The following DOK2 variants were observed in gnomAD, a reference collection of about 807,000 sequenced individuals.
The protein encoded by DOK2 is docking protein 2, 56kD.
In DOK2, 28 loss-of-function variants were observed where a neutral mutation model predicts 26.0. The ratio of observed to expected loss-of-function variants is 1.08; its 90% CI spans 0.80 to 1.48. DOK2 has a LOEUF of 1.48. Ranked by LOEUF, DOK2 falls within the 40% of genes most tolerant of loss-of-function variation. The pLI, the probability that DOK2 is intolerant of heterozygous loss-of-function variation, is 0.00. For missense variants in DOK2, 682 were observed against 558.2 expected (o/e 1.22, Z -2.23); for synonymous variants, 282 against 236.9 (o/e 1.19, Z -1.75).
Position 21,909,243 on chromosome 8 carries a change from G to A in DOK2, c.*68C>T, listed in dbSNP as rs1267693014. The A allele has an allele frequency of 2.0e-5, 30 of 1,500,488 alleles. 1 individual carries two copies. The highest frequency in any genetic ancestry group is 2.7e-5 in the Non-Finnish European group (30 of 1,122,562). 92.9% of individuals were successfully genotyped at this position (1,500,488 alleles called of 1,614,324 possible). A position where few individuals can be genotyped will look rare whatever the true frequency, so the allele number is the denominator to read the frequency against. ...CAGAAGGGGCAGAGGAGGTTCTTCT[G>A]ATGCAGTGGCCAGGAGGAGTCACCA... On this transcript the variant is annotated 3_prime_UTR_variant, in exon 5 of 5. Coordinates refer to ENST00000276420, the MANE Select transcript of DOK2 (RefSeq NM_003974.4).
chr8:21,911,586 C>T (rs1468799840), intron 3 of DOK2, among the ~76,000 whole-genome samples: 2 of 152,106 alleles, frequency 1.3e-5, no homozygotes, highest in African/African-American at 2.4e-5. Flanking sequence ...CCAGCCTGAG[C>T]GACAAGAGCA....
Position 21,912,226 on chromosome 8 carries a change from C to G in DOK2, c.345+3G>C. 6.4e-7 allele frequency: 1 copy of G among 1,556,074 alleles called. No individual in the cohort carries two copies. On this transcript the variant is annotated splice_donor_region_variant and intron_variant, in intron 2 of 4. Transcript: ENST00000276420. ...TGCCCTTTCCGCACCCCGCGCGACT[C>G]ACGGGGAAGGCCAGGAGGCAGATGG...
At position 21,910,862 on chromosome 8, in the gene DOK2, G is replaced by C. The variant is rs1358706345; in HGVS notation, c.434-5C>G. 6.3e-7 allele frequency: 1 copy of C among 1,597,454 alleles called. No homozygotes were observed. On this transcript the variant is annotated splice_polypyrimidine_tract_variant and splice_region_variant and intron_variant, in intron 3 of 4. Transcript: ENST00000276420. ...CAAATTCCTTGTGGGGGCCGACTGG[G>C]GAGAAGAAGAGAGAGAAGGCGAAGG...
Position 21,910,798 on chromosome 8 carries a change from G to A in DOK2, c.493C>T (p.His165Tyr). Residue 165 changes from histidine (H) to tyrosine (Y), a missense_variant, in exon 4 of 5, where the codon CAC becomes TAC. Physicochemically the swap from His to Tyr is moderately conservative, Grantham distance 83. Coordinates refer to ENST00000276420, the MANE Select transcript of DOK2 (RefSeq NM_003974.4). ...CGGAGGGTATAGGACCCCCGCAGGT[G>A]GCACCTCTCACTGGCTTCTGTAGGT... ...MRPTEASERC[H>Y]LRGSYTLRAG... 2.5e-6 allele frequency: 4 copies of A among 1,613,820 alleles called. No homozygotes were observed. The highest frequency in any genetic ancestry group is 3.4e-6 in the Non-Finnish European group (4 of 1,179,936).
At position 21,909,302 on chromosome 8, in the gene DOK2, C is replaced by A; in HGVS notation, c.*9G>T. ...CAAGGGGCGGTGGACCATCCCTCTGCTGCCTCTGTCACTTTGGGCCTTTCT... is the reference window on the plus strand; with the variant it reads ...CAAGGGGCGGTGGACCATCCCTCTGATGCCTCTGTCACTTTGGGCCTTTCT... On this transcript the variant is annotated 3_prime_UTR_variant, in exon 5 of 5. Coordinates refer to ENST00000276420, the MANE Select transcript of DOK2 (RefSeq NM_003974.4). 6.6e-7 allele frequency: 1 copy of A among 1,523,456 alleles called. No individual in the cohort carries two copies. Among genetic ancestry groups the A allele is most frequent in the Non-Finnish European group, 8.8e-7 (1 of 1,135,774 alleles). The allele number at this position is 1,523,456 out of a possible 1,614,324, so 94.4% of individuals were successfully genotyped here.
intron 3 of DOK2, 43 bp downstream of exon 3, chr8:21,911,854 CTGGG>C (rs1158287514): frequency 5.2e-6 from 8 of 1,534,658 alleles, no homozygotes; most frequent in Non-Finnish European, 7.0e-6. Context: ...CCACCTCACC[CTGGG>C]GAGAGCCCCC....
Position 21,909,944 on chromosome 8 carries a change from G to A in DOK2, c.619-13C>T, listed in dbSNP as rs958349582. 1 of 1,600,508 alleles carries A rather than the reference G, an allele frequency of 6.2e-7. No homozygotes were observed. The highest frequency in any genetic ancestry group is 8.5e-7 in the Non-Finnish European group (1 of 1,175,566). On this transcript the variant is annotated splice_polypyrimidine_tract_variant and intron_variant, in intron 4 of 4. Coordinates refer to ENST00000276420, the MANE Select transcript of DOK2 (RefSeq NM_003974.4). ...AGGAAAAGGTTACCTGGACCAGGGA[G>A]AAAGCAGGTTATTGGCCAGGCCACA...
At chr8:21,910,632 A>G (rs931919114) in intron 4 of DOK2, 41 bp downstream of exon 4, 2 of 1,610,128 alleles carry the variant, frequency 1.2e-6, no homozygotes, top group Non-Finnish European at 1.7e-6. Context: ...TTCGTAGCTT[A>G]TCCTTTCTCT....
At chr8:21,912,657 C>T in intron 1 of DOK2, 147 bp from the exon 2 acceptor site, 1 of 756,642 alleles carries the variant, frequency 1.3e-6, no homozygotes, top group East Asian at 2.8e-5. Flanking sequence ...CACATGAGAC[C>T]CAGGGAGGCA....
Position 21,909,520 on chromosome 8 carries a change from T to C in DOK2, c.1030A>G (p.Ile344Val). 1.2e-6 allele frequency: 2 copies of C among 1,614,134 alleles called. No individual in the cohort carries two copies. The highest frequency in any genetic ancestry group is 8.5e-7 in the Non-Finnish European group (1 of 1,180,016). ...EETLPPRPDH[I>V]YDEPEGVAAL... is the part of the protein sequence containing the mutation. ...GCCACTCCCTCGGGCTCATCGTATA[T>C]GTGGTCAGGTCGAGGGGGCAGGGTC... Residue 344 changes from isoleucine (I) to valine (V), a missense_variant, in exon 5 of 5, where the codon ATA becomes GTA. Ile to Val is a conservative substitution (Grantham distance 29). Transcript: ENST00000276420.
rs141129446 is a variant in DOK2, at chr8:21,912,337, C to T, written c.237G>A (p.Arg79=). The change falls in exon 2 of 5, where the codon CGG becomes CGA. Residue 79 remains arginine, a synonymous_variant. Coordinates refer to ENST00000276420, the MANE Select transcript of DOK2 (RefSeq NM_003974.4). ...TCTCCAGGAAGAAGGCACTGGTGTCCCGGGGGCTGCTGGCCTCTCCGCCGG... is the reference window on the plus strand; with the variant it reads ...TCTCCAGGAAGAAGGCACTGGTGTCTCGGGGGCTGCTGGCCTCTCCGCCGG... ...AEAGGEASSP[R]DTSAFFLETK... The T allele has an allele frequency of 2.0e-4, 320 of 1,607,680 alleles. No individual in the cohort carries two copies. The highest frequency in any genetic ancestry group is 3.3e-4 in the Admixed American group (20 of 59,784).
Position 21,912,338 on chromosome 8 carries a change from C to G in DOK2, c.236G>C (p.Arg79Pro), listed in dbSNP as rs1554508068. The G allele has an allele frequency of 2.5e-6, 4 of 1,607,510 alleles. No individual in the cohort carries two copies. The South Asian group carries it at 4.4e-5, about 18-fold the overall frequency. ...AEAGGEASSP[R>P]DTSAFFLETK... ...CTCCAGGAAGAAGGCACTGGTGTCC[C>G]GGGGGCTGCTGGCCTCTCCGCCGGC... The change falls in exon 2 of 5, where the codon CGG (arginine) becomes CCG (proline). Residue 79 changes from arginine to proline, a missense_variant. By Grantham distance (103) the Arg-to-Pro change is moderately radical. Transcript: ENST00000276420.
rs1219362244 is a variant in DOK2 at position 21,912,446 on chromosome 8, A to G, written c.128T>C (p.Leu43Pro). The G allele has an allele frequency of 1.3e-6, 2 of 1,568,486 alleles. No homozygotes were observed. The highest frequency in any genetic ancestry group is 1.4e-5 in the African/African-American group (1 of 73,884). Residue 43 changes from leucine to proline, a missense_variant, in exon 2 of 5, where the codon CTG (leucine) becomes CCG (proline). By Grantham distance (98) the Leu-to-Pro change is moderately conservative. Coordinates refer to ENST00000276420, the MANE Select transcript of DOK2 (RefSeq NM_003974.4). ...ACGAGGCTTCTCCGGGCCCTCCTGCAGCTCCAGCCGGGCCAAGGCGCAGTC... is the reference window on the plus strand; with the variant it reads ...ACGAGGCTTCTCCGGGCCCTCCTGCGGCTCCAGCCGGGCCAAGGCGCAGTC... ...GSDCALARLELQEGPEKPRRC... is the reference protein window; with the variant it reads ...GSDCALARLEPQEGPEKPRRC...
At position 21,912,427 on chromosome 8, in the gene DOK2, C is replaced by T. The variant is rs764063442; in HGVS notation, c.147G>A (p.Lys49=). 12 of 1,577,992 alleles carry T rather than the reference C, an allele frequency of 7.6e-6. No homozygotes were observed. Among genetic ancestry groups the T allele is most frequent in the South Asian group, 2.3e-5 (2 of 86,822 alleles). ...ARLELQEGPE[K]PRRCEAARKV... is the part of the protein sequence containing the mutation. ...TCCGGGCAGCCTCACACCGACGAGGCTTCTCCGGGCCCTCCTGCAGCTCCA... is the reference window on the plus strand; with the variant it reads ...TCCGGGCAGCCTCACACCGACGAGGTTTCTCCGGGCCCTCCTGCAGCTCCA... Residue 49 remains lysine, a synonymous_variant, in exon 2 of 5, where the codon AAG becomes AAA. Transcript: ENST00000276420.
Position 21,909,935 on chromosome 8 carries a change from G to A in DOK2, c.619-4C>T. On this transcript the variant is annotated splice_polypyrimidine_tract_variant and splice_region_variant and intron_variant, in intron 4 of 4. Transcript: ENST00000276420. ...CTGCCTCAAAGGAAAAGGTTACCTGGACCAGGGAGAAAGCAGGTTATTGGC... is the reference window on the plus strand; with the variant it reads ...CTGCCTCAAAGGAAAAGGTTACCTGAACCAGGGAGAAAGCAGGTTATTGGC... 6.2e-7 allele frequency: 1 copy of A among 1,604,268 alleles called. No homozygotes were observed. Among genetic ancestry groups the A allele is most frequent in the Non-Finnish European group, 8.5e-7 (1 of 1,177,058 alleles).
At chr8:21,911,585 G>A (rs1016422971) in intron 3 of DOK2, among the ~76,000 whole-genome samples, 1 of 152,164 alleles carries the variant, frequency 6.6e-6, no homozygotes, top group Non-Finnish European at 1.5e-5. Flanking sequence ...TCCAGCCTGA[G>A]CGACAAGAGC....
chr8:21,913,478 C>G lies in DOK2; in HGVS notation c.63+61G>C. The G allele has an allele frequency of 2.5e-6, 4 of 1,601,896 alleles. 1 individual carries two copies. The South Asian group carries it at 3.3e-5, about 13-fold the overall frequency. On this transcript the variant is annotated intron_variant, in intron 1 of 4. Transcript: ENST00000276420. The stretch of plus-strand genomic sequence containing the variant: ...TTTGAATATGAAACTCCCTCTCCAA[C>G]CCAGGAATTCTAGCAGCCTCCCAGG...
At chr8:21,911,771 G>A in intron 3 of DOK2, 130 bp downstream of exon 3, 2 of 1,003,892 alleles carry the variant, frequency 2.0e-6, no homozygotes, top group Non-Finnish European at 1.4e-6. Flanking sequence ...TGATAACGGG[G>A]CTGGCCCAGG....
At chr8:21,912,110 C>T in intron 2 of DOK2, 119 bp downstream of exon 2, 1 of 1,467,318 alleles carries the variant, frequency 6.8e-7, no homozygotes, top group African/African-American at 1.4e-5. Flanking sequence ...CGGGTCCCCC[C>T]ACATGGAGGA....
Sources: allele counts gnomAD v4.1 joint callset (sites outside exome capture counted in the v4.1 genomes callset), GRCh38; gene constraint gnomAD v4.1.1; transcripts MANE v1.5; gene names NCBI Gene and HGNC (gene_info 2026-07-23, HGNC 2026-07-21).